Variants in TBC1D5 observed in about 807,000 individuals in gnomAD.
The protein encoded by TBC1D5 is TBC1 domain family member 5, also known as TBC1 domain family, member 5.
TBC1D5 carries 75 observed loss-of-function variants against 100.3 expected under a neutral mutation model. The ratio of observed to expected loss-of-function variants is 0.75; its 90% confidence interval spans 0.62 to 0.91. The LOEUF is 0.91. Among genes scored for constraint, TBC1D5 ranks in the 40% least tolerant of loss-of-function variants. The probability of loss-of-function intolerance (pLI) is 0.00; values close to 1 mark genes in which losing one functional copy is unlikely to be tolerated. For missense variants in TBC1D5, 910 were observed against 942.4 expected, an observed-to-expected ratio of 0.97 and a Z score of 0.45; for synonymous variants, 323 against 325.6, an observed-to-expected ratio of 0.99 and a Z score of 0.09.
chr3:17,258,395 T>C, intron 16 of TBC1D5, 111 bp downstream of exon 16: 5 of 998,252 alleles, frequency 5.0e-6, no homozygotes, highest in South Asian at 4.3e-5. Flanking sequence ...AGATTCCTTA[T>C]GTACATATGC....
intron 14 of TBC1D5, among the ~76,000 whole-genome samples, chr3:17,294,352 T>C (rs576330316): frequency 1.8e-4 from 27 of 152,314 alleles, no homozygotes; most frequent in African/African-American, 6.5e-4. Flanking sequence ...CTGGAGTAGC[T>C]ATTACGGACT....
At chr3:17,309,577 A>T (rs1358083907) in intron 13 of TBC1D5, among the ~76,000 whole-genome samples, 3 of 152,034 alleles carry the variant, frequency 2.0e-5, no homozygotes, top group African/African-American at 7.2e-5. Context: ...CTATTAATAA[A>T]ATGAGGGGTG....
intron 3 of TBC1D5, among the ~76,000 whole-genome samples, chr3:17,462,322 A>ATTTT (rs527597868): frequency 0.017 from 2,208 of 132,574 alleles, 90 homozygotes; most frequent in African/African-American, 0.059. Context: ...TCGGACCTTA[A>ATTTT]TTTTTTTTTT....
chr3:17,173,877 GA>G (rs1381188463), intron 19 of TBC1D5, among the ~76,000 whole-genome samples: 12 of 152,204 alleles, frequency 7.9e-5, no homozygotes, highest in African/African-American at 2.7e-4. Flanking sequence ...TAGTCAGAGA[GA>G]GGGGCAGACC....
At chr3:17,564,248 A>G (rs1227230666) in intron 2 of TBC1D5, among the ~76,000 whole-genome samples, 3 of 152,210 alleles carry the variant, frequency 2.0e-5, no homozygotes, top group Non-Finnish European at 4.4e-5. Flanking sequence ...TATTTTTATC[A>G]TTACTTAAAA....
At chr3:17,342,097 C>A (rs1683801009) in intron 13 of TBC1D5, among the ~76,000 whole-genome samples, 1 of 152,184 alleles carries the variant, frequency 6.6e-6, no homozygotes, top group Non-Finnish European at 1.5e-5. Flanking sequence ...TAAATATGAC[C>A]AATTCTGTCC....
chr3:17,298,612 T>C (rs1160317792), intron 14 of TBC1D5, among the ~76,000 whole-genome samples: 1 of 152,148 alleles, frequency 6.6e-6, no homozygotes, highest in Non-Finnish European at 1.5e-5. Context: ...TACTTGTATA[T>C]GAGGGAGTCA....
chr3:17,326,586 C>T (rs1385592524), intron 13 of TBC1D5, among the ~76,000 whole-genome samples: 1 of 152,186 alleles, frequency 6.6e-6, no homozygotes, highest in African/African-American at 2.4e-5. Flanking sequence ...AATTCTCCTG[C>T]CTTAGCCTCC....
intron 15 of TBC1D5, among the ~76,000 whole-genome samples, chr3:17,273,756 G>A (rs950567608): frequency 1.3e-5 from 2 of 148,452 alleles, no homozygotes; most frequent in Non-Finnish European, 3.0e-5. Flanking sequence ...GCAGTGAGCT[G>A]AGATCGCGCC....
intron 15 of TBC1D5, among the ~76,000 whole-genome samples, chr3:17,258,801 T>G (rs2077998018): frequency 6.6e-6 from 1 of 152,198 alleles, no homozygotes; most frequent in Admixed American, 6.5e-5. Context: ...CTCTCATAGT[T>G]AATATTTATT....
At chr3:17,658,514 T>C (rs1234905626) in intron 1 of TBC1D5, among the ~76,000 whole-genome samples, 1 of 152,040 alleles carries the variant, frequency 6.6e-6, no homozygotes, top group Non-Finnish European at 1.5e-5. Context: ...AAAATATATG[T>C]CAATGCAGAA....
chr3:17,619,870 C>G (rs1261522635), intron 2 of TBC1D5, among the ~76,000 whole-genome samples: 1 of 152,158 alleles, frequency 6.6e-6, no homozygotes, highest in Non-Finnish European at 1.5e-5. Flanking sequence ...GGGGAAAGCC[C>G]AAATATCCTA....
intron 17 of TBC1D5, among the ~76,000 whole-genome samples, chr3:17,224,062 A>G (rs183611096): frequency 1.9e-4 from 29 of 152,326 alleles, no homozygotes; most frequent in African/African-American, 6.7e-4. Flanking sequence ...CTTTCTATCC[A>G]ATTTTTAGGA....
chr3:17,653,821 T>A (rs1323387936), intron 1 of TBC1D5, among the ~76,000 whole-genome samples: 4 of 151,926 alleles, frequency 2.6e-5, no homozygotes, highest in African/African-American at 7.3e-5. Context: ...AAAAGGAAAG[T>A]AAGAAGGAAA....
At chr3:17,215,591 T>C (rs1051677672) in intron 17 of TBC1D5, among the ~76,000 whole-genome samples, 1 of 151,988 alleles carries the variant, frequency 6.6e-6, no homozygotes, top group Non-Finnish European at 1.5e-5. Context: ...AGGGGAGAGA[T>C]GTGAGCTAGA....
intron 9 of TBC1D5, among the ~76,000 whole-genome samples, chr3:17,382,377 T>C (rs998488302): frequency 2.0e-5 from 3 of 152,148 alleles, no homozygotes; most frequent in Non-Finnish European, 4.4e-5. Flanking sequence ...AAGTGTAACA[T>C]TTTTAGGCAC....
chr3:17,372,709 A>C (rs988809278), intron 12 of TBC1D5, among the ~76,000 whole-genome samples: 1 of 152,216 alleles, frequency 6.6e-6, no homozygotes, highest in Admixed American at 6.5e-5. Flanking sequence ...AATGTGTTCA[A>C]ATACTCTGCT....
intron 3 of TBC1D5, among the ~76,000 whole-genome samples, chr3:17,498,968 T>C (rs2095750452): frequency 1.3e-5 from 2 of 152,226 alleles, no homozygotes; most frequent in Non-Finnish European, 2.9e-5. Context: ...TTGAGATAAA[T>C]AGGTCTTTGG....
chr3:17,332,764 G>A (rs1017533529), intron 13 of TBC1D5, among the ~76,000 whole-genome samples: 1 of 152,078 alleles, frequency 6.6e-6, no homozygotes, highest in Non-Finnish European at 1.5e-5. Context: ...AAAAGGCTGA[G>A]TAATGAAATA....
Sources: allele counts gnomAD v4.1 joint callset (sites outside exome capture counted in the v4.1 genomes callset), GRCh38; gene constraint gnomAD v4.1.1; transcripts MANE v1.5; gene names NCBI Gene and HGNC (gene_info 2026-07-23, HGNC 2026-07-21).